The following DDIAS variants were observed in gnomAD, a reference collection of about 807,000 sequenced individuals.
DDIAS encodes the protein DNA damage induced apoptosis suppressor.
A neutral mutation model predicts 15.7 loss-of-function variants in DDIAS; 14 were observed. The observed-to-expected ratio is 0.89, with a 90% CI of 0.59 to 1.39. DDIAS has a LOEUF of 1.39. DDIAS is among the 40% of genes most tolerant of loss of function. The pLI is 0.00. For synonymous variants in DDIAS, 355 were observed against 395.9 expected, an observed-to-expected ratio of 0.90 and a Z score of 1.23; for missense variants, 1,035 against 1,130.9, an observed-to-expected ratio of 0.92 and a Z score of 1.22.
intron 3 of DDIAS, among the ~76,000 whole-genome samples, chr11:82,928,175 CTCTTTTT>C (rs1860904356): frequency 1.7e-5 from 1 of 60,386 alleles, no homozygotes. Context: ...ATTTTTTGTC[CTCTTTTT>C]TTTTTTTTTT....
rs1260645203 is a variant in DDIAS at position 82,931,975 on chromosome 11, G to C, written c.637G>C (p.Asp213His). Residue 213 changes from aspartate to histidine, a missense_variant, in exon 6 of 6, where the codon GAT becomes CAT. Asp to His is a moderately conservative substitution (Grantham distance 81). Coordinates refer to ENST00000533655, the MANE Select transcript of DDIAS (RefSeq NM_145018.4). ...HLLALDHSNS[D>H]LSSIYTSDST... ...ACTTGCTTTAGATCACTCAAATAGT[G>C]ATCTCAGCAGCATATATACTTCTGA... 6.2e-7 allele frequency: 1 copy of C among 1,614,066 alleles called. No individual in the cohort carries two copies. The highest frequency in any genetic ancestry group is 8.5e-7 in the Non-Finnish European group (1 of 1,179,978).
chr11:82,933,097 G>A lies in DDIAS; in HGVS notation c.1759G>A (p.Glu587Lys). Residue 587 changes from glutamate (E) to lysine (K), a missense_variant, in exon 6 of 6, where the codon GAA (glutamate) becomes AAA (lysine). Physicochemically the swap from Glu to Lys is moderately conservative, Grantham distance 56. Transcript: ENST00000533655. Reference protein sequence around the residue: ...LNGCGEISVSEMNEKLTTLCY... With the variant: ...LNGCGEISVSKMNEKLTTLCY... ...TGGATGTGGAGAAATATCAGTTTCA[G>A]AAATGAATGAAAAGTTGACAACTCT... 6.2e-7 allele frequency: 1 copy of A among 1,602,146 alleles called. No homozygotes were observed. Among genetic ancestry groups the A allele is most frequent in the Non-Finnish European group, 8.5e-7 (1 of 1,178,396 alleles).
chr11:82,932,430 T>G lies in DDIAS; in HGVS notation c.1092T>G (p.Asn364Lys). 6.2e-7 allele frequency: 1 copy of G among 1,614,168 alleles called. No individual in the cohort carries two copies. The change falls in exon 6 of 6, where the codon AAT (asparagine) becomes AAG (lysine). Residue 364 changes from asparagine (N) to lysine (K), a missense_variant. Asn to Lys is a moderately conservative substitution (Grantham distance 94). Coordinates refer to ENST00000533655, the MANE Select transcript of DDIAS (RefSeq NM_145018.4). ...TCCACAGTGCAGTGGAAATTAAAAA[T>G]AGGTCCCAGCATGAGCTACCATGTT... is the stretch of plus-strand genomic sequence containing the variant. ...KSFHSAVEIKNRSQHELPCFQ... is the reference protein window; with the variant it reads ...KSFHSAVEIKKRSQHELPCFQ...
chr11:82,911,285 C>T (rs1170391191), intron 1 of DDIAS, among the ~76,000 whole-genome samples: 2 of 152,172 alleles, frequency 1.3e-5, no homozygotes, highest in Non-Finnish European at 2.9e-5. Context: ...TGTTTGATAG[C>T]GTTTTACTCA....
In DDIAS at chr11:82,932,167, A is replaced by G; in HGVS notation, c.829A>G (p.Ile277Val). 3 of 1,614,228 alleles carry G rather than the reference A, an allele frequency of 1.9e-6. No individual in the cohort carries two copies. Among genetic ancestry groups the G allele is most frequent in the African/African-American group, 1.3e-5 (1 of 75,070 alleles). Residue 277 changes from isoleucine (I) to valine (V), a missense_variant, in exon 6 of 6, where the codon ATC becomes GTC. By Grantham distance (29) the Ile-to-Val change is conservative (BLOSUM62 3). Transcript: ENST00000533655. ...FGTLQQNRKS[I>V]SIAEATGSSS... Reference sequence around the variant, plus strand: ...TACTCTTCAGCAGAACAGAAAGTCCATCTCCATTGCAGAGGCCACTGGTTC... The same window carrying G: ...TACTCTTCAGCAGAACAGAAAGTCCGTCTCCATTGCAGAGGCCACTGGTTC...
intron 3 of DDIAS, among the ~76,000 whole-genome samples, chr11:82,924,496 G>A (rs1038797699): frequency 1.3e-5 from 2 of 152,072 alleles, no homozygotes; most frequent in Non-Finnish European, 2.9e-5. Flanking sequence ...TCTACATCTG[G>A]GCTAAATATA....
intron 5 of DDIAS, among the ~76,000 whole-genome samples, chr11:82,930,552 A>C (rs1321517300): frequency 6.6e-6 from 1 of 152,102 alleles, no homozygotes; most frequent in African/African-American, 2.4e-5. Context: ...TTTGGTATTT[A>C]GTATTTATTT....
chr11:82,920,016 C>T (rs1271773990), intron 3 of DDIAS, among the ~76,000 whole-genome samples: 1 of 152,196 alleles, frequency 6.6e-6, no homozygotes, highest in East Asian at 1.9e-4. Flanking sequence ...AGGCACCACG[C>T]CCGGCCTTTT....
chr11:82,903,362 G>C (rs1860363070), intron 1 of DDIAS, among the ~76,000 whole-genome samples: 1 of 152,162 alleles, frequency 6.6e-6, no homozygotes, highest in South Asian at 2.1e-4. Context: ...ATGAAGGAAA[G>C]GGAGGAATGA....
intron 3 of DDIAS, 60 bp downstream of exon 3, chr11:82,914,911 A>G (rs2121330164): frequency 2.6e-6 from 3 of 1,167,356 alleles, no homozygotes; most frequent in Non-Finnish European, 3.7e-6. Context: ...TAGATTTCCT[A>G]TGGCTCAAGG....
intron 3 of DDIAS, among the ~76,000 whole-genome samples, chr11:82,921,666 C>G (rs192843282): frequency 4.6e-4 from 70 of 150,718 alleles, no homozygotes; most frequent in African/African-American, 1.6e-3. Context: ...CACCCTCCGC[C>G]CCCCCAGGTT....
chr11:82,933,966 T>TA lies in DDIAS; in HGVS notation c.2629dup (p.Met877AsnfsTer20). The TA allele has an allele frequency of 1.2e-6, 2 of 1,612,908 alleles. No homozygotes were observed. The highest frequency in any genetic ancestry group is 1.7e-6 in the Non-Finnish European group (2 of 1,179,736). On this transcript the variant is annotated frameshift_variant, in exon 6 of 6. Transcript: ENST00000533655. LOFTEE classifies it low-confidence loss of function (END_TRUNC). Reference sequence around the variant, plus strand: ...CCACACAAAAAATATTTCCTTCAGATATGCTTGGATTCCAAGGCATAGGTC... The same window carrying TA: ...CCACACAAAAAATATTTCCTTCAGATAATGCTTGGATTCCAAGGCATAGGTC...
chr11:82,914,876 A>C, intron 3 of DDIAS, 25 bp downstream of exon 3: 1 of 1,454,322 alleles, frequency 6.9e-7, no homozygotes, highest in South Asian at 1.2e-5. Flanking sequence ...TGTAAGTGTG[A>C]GAGAGGAAAT....
chr11:82,932,302 C>A lies in DDIAS; in HGVS notation c.964C>A (p.Leu322Met). ...AGAACTTGGCTTACAAGCTAAGGAG[C>A]TGAGTGCAGTTCACAGCAGTCATCA... Reference protein sequence around the residue: ...GKELGLQAKELSAVHSSHHEI... With the variant: ...GKELGLQAKEMSAVHSSHHEI... The change falls in exon 6 of 6, where the codon CTG becomes ATG. Residue 322 changes from leucine to methionine, a missense_variant. Physicochemically the swap from Leu to Met is conservative, Grantham distance 15 (BLOSUM62 2). Transcript: ENST00000533655. The A allele has an allele frequency of 6.2e-7, 1 of 1,613,976 alleles. No individual in the cohort carries two copies. The highest frequency in any genetic ancestry group is 8.5e-7 in the Non-Finnish European group (1 of 1,179,898).
Sources: allele counts gnomAD v4.1 joint callset (sites outside exome capture counted in the v4.1 genomes callset), GRCh38; gene constraint gnomAD v4.1.1; transcripts MANE v1.5; gene names NCBI Gene and HGNC (gene_info 2026-07-23, HGNC 2026-07-21).